Variants in CATSPERB observed in about 807,000 individuals in gnomAD.
The protein encoded by CATSPERB is cation channel sperm-associated auxiliary subunit beta.
A neutral mutation model predicts 128.3 loss-of-function variants in CATSPERB; 93 were observed. That is an observed-to-expected ratio of 0.72 (90% CI 0.61 to 0.86). The LOEUF is 0.86. CATSPERB is among the 40% of genes least tolerant of loss of function. The probability of loss-of-function intolerance (pLI) is 0.00; values close to 1 mark genes in which losing one functional copy is unlikely to be tolerated. For missense variants in CATSPERB, 1,153 were observed against 1,329.5 expected (o/e 0.87, Z 2.06); for synonymous variants, 381 against 448.8 (o/e 0.85, Z 1.91).
chr14:91,580,761 A>G lies in CATSPERB; in HGVS notation c.*128T>C. ...GGAAATGGTGAATATATTGACAAGTAGCAATTTGAATTATAATGACAATTC... is the reference window on the plus strand; with the variant it reads ...GGAAATGGTGAATATATTGACAAGTGGCAATTTGAATTATAATGACAATTC... On this transcript the variant is annotated 3_prime_UTR_variant, in exon 27 of 27. Transcript: ENST00000256343. 1.4e-6 allele frequency: 1 copy of G among 691,948 alleles called. No individual in the cohort carries two copies. 42.9% of individuals were successfully genotyped at this position (691,948 alleles called of 1,614,324 possible).
At chr14:91,682,709 G>A (rs755734571) in intron 11 of CATSPERB, among the ~76,000 whole-genome samples, 2 of 152,164 alleles carry the variant, frequency 1.3e-5, no homozygotes, top group African/African-American at 2.4e-5. Context: ...TGTCAAAAAT[G>A]GGCATCCTGG....
Position 91,587,237 on chromosome 14 carries a change from C to T in CATSPERB, c.3097G>A (p.Gly1033Arg), listed in dbSNP as rs759672513. Residue 1033 changes from glycine to arginine, a missense_variant, in exon 26 of 27, where the codon GGA becomes AGA. Transcript: ENST00000256343. ...LFHFRVTVISGVTFCNLIEEF... is the reference protein window; with the variant it reads ...LFHFRVTVISRVTFCNLIEEF... ...TCAATTAAGTTACAAAAAGTTACTC[C>T]TGAAATGACGGTCACTCTAAAGTGG... is the stretch of plus-strand genomic sequence containing the variant. The T allele has an allele frequency of 1.2e-6, 2 of 1,606,330 alleles. No individual in the cohort carries two copies. Among genetic ancestry groups the T allele is most frequent in the South Asian group, 1.1e-5 (1 of 89,562 alleles).
intron 14 of CATSPERB, among the ~76,000 whole-genome samples, chr14:91,664,000 A>T (rs2139824350): frequency 6.6e-6 from 1 of 152,290 alleles, no homozygotes; most frequent in Admixed American, 6.5e-5. Context: ...AGTCTTATAC[A>T]TCCTATGGAC....
At chr14:91,690,009 T>C (rs1895439447) in intron 10 of CATSPERB, among the ~76,000 whole-genome samples, 1 of 152,226 alleles carries the variant, frequency 6.6e-6, no homozygotes, top group Admixed American at 6.5e-5. Flanking sequence ...AATTTTTATT[T>C]TGAGACAGAG....
intron 6 of CATSPERB, 117 bp from the exon 7 acceptor site, chr14:91,704,818 G>T: frequency 9.8e-7 from 1 of 1,015,572 alleles, no homozygotes; most frequent in East Asian, 2.5e-5. Context: ...GTTCAAAAAA[G>T]GTGCATTACC....
chr14:91,704,441 G>A lies in CATSPERB; in HGVS notation c.616+111C>T, dbSNP rs1895702904. The A allele has an allele frequency of 2.7e-6, 3 of 1,127,332 alleles. No individual in the cohort carries two copies. In the Admixed American group the frequency reaches 7.6e-5, roughly 29 times the overall value. 69.8% of individuals were successfully genotyped at this position (1,127,332 alleles called of 1,614,324 possible). On this transcript the variant is annotated intron_variant, in intron 7 of 26. Transcript: ENST00000256343. ...ATAATAAATTTTTAGGTATTTTTAG[G>A]AAACAATTTTCCTTCCCTATGTCTA...
Position 91,721,083 on chromosome 14 carries a change from TG to T in CATSPERB, c.310-1606del, listed in dbSNP as rs200336205. Among the ~76,000 whole-genome samples the T allele has an allele frequency of 5.2e-3, 784 of 152,212 alleles. 7 individuals carry two copies. The highest frequency in any genetic ancestry group is 0.018 in the African/African-American group (732 of 41,530). ...ATCAAATACAAAAATGAACTCAAAA[TG>T]GATCCAAGATCTAAATGTAGAAGGT... On this transcript the variant is annotated intron_variant, in intron 4 of 26. Coordinates refer to ENST00000256343, the MANE Select transcript of CATSPERB (RefSeq NM_024764.4).
rs773240534 is a variant in CATSPERB at position 91,621,950 on chromosome 14, C to A, written c.1931-13G>T. The A allele has an allele frequency of 2.6e-6, 4 of 1,536,430 alleles. No homozygotes were observed. The Admixed American group carries it at 6.0e-5, about 23-fold the overall frequency. ...AAGGCCTGAACAACTGGAGATTAAA[C>A]AGAAGAGACTTGGTATTAAATCAAA... is the stretch of plus-strand genomic sequence containing the variant. On this transcript the variant is annotated splice_polypyrimidine_tract_variant and intron_variant, in intron 18 of 26. Coordinates refer to ENST00000256343, the MANE Select transcript of CATSPERB (RefSeq NM_024764.4).
chr14:91,601,034 A>T (rs1893600311), intron 22 of CATSPERB, among the ~76,000 whole-genome samples: 1 of 152,268 alleles, frequency 6.6e-6, no homozygotes, highest in African/African-American at 2.4e-5. Flanking sequence ...TTGAGAGAAT[A>T]CAACACCTAT....
intron 11 of CATSPERB, among the ~76,000 whole-genome samples, chr14:91,682,680 C>G (rs1895303141): frequency 6.6e-6 from 1 of 152,156 alleles, no homozygotes; most frequent in Admixed American, 6.6e-5. Context: ...ACTGGGAAAG[C>G]ACAAACGCCA....
At chr14:91,622,322 T>C (rs1384561547) in intron 18 of CATSPERB, among the ~76,000 whole-genome samples, 1 of 152,170 alleles carries the variant, frequency 6.6e-6, no homozygotes, top group Non-Finnish European at 1.5e-5. Flanking sequence ...AAGATGTGCT[T>C]ATTACACAGA....
chr14:91,615,370 C>CCCATAGTTTT (rs1374066364), intron 20 of CATSPERB, among the ~76,000 whole-genome samples: 3 of 152,276 alleles, frequency 2.0e-5, no homozygotes, highest in African/African-American at 7.2e-5. Flanking sequence ...GCCCCCGCAT[C>CCCATAGTTTT]CCATTCCATG....
At chr14:91,661,116 T>C (rs1912425) in intron 14 of CATSPERB, among the ~76,000 whole-genome samples, 44,449 of 151,994 alleles carry the variant, frequency 0.29, 7,353 homozygotes, top group Admixed American at 0.48. Flanking sequence ...TGGACCTCAA[T>C]TTTCACTCTT....
chr14:91,708,883 G>T (rs1009449406), intron 5 of CATSPERB, among the ~76,000 whole-genome samples: 1 of 152,194 alleles, frequency 6.6e-6, no homozygotes, highest in African/African-American at 2.4e-5. Flanking sequence ...AAATGCAAAA[G>T]CATAAATAAG....
chr14:91,660,114 T>TCACACA (rs34606282), intron 14 of CATSPERB, 133 bp from the exon 15 acceptor site: 68 of 352,694 alleles, frequency 1.9e-4, no homozygotes, highest in African/African-American at 7.2e-4. Context: ...TCTCTCTCTC[T>TCACACA]CTCACACACA....
chr14:91,660,507 T>A (rs1333478605), intron 14 of CATSPERB, among the ~76,000 whole-genome samples: 1 of 152,204 alleles, frequency 6.6e-6, no homozygotes, highest in Non-Finnish European at 1.5e-5. Flanking sequence ...TATATTAGTT[T>A]ATTACTATAG....
intron 13 of CATSPERB, among the ~76,000 whole-genome samples, chr14:91,671,244 C>A (rs1390179877): frequency 6.6e-6 from 1 of 151,986 alleles, no homozygotes; most frequent in South Asian, 2.1e-4. Context: ...AAGGAAAGAC[C>A]ACTCATACCT....
Position 91,678,086 on chromosome 14 carries a change from G to A in CATSPERB, c.932-3864C>T, listed in dbSNP as rs550090860. 1.7e-3 allele frequency among the ~76,000 whole-genome samples: 255 copies of A among 152,234 alleles called. 1 individual carries two copies. The highest frequency in any genetic ancestry group is 6.8e-3 in the Middle Eastern group (2 of 294). On this transcript the variant is annotated intron_variant, in intron 11 of 26. Transcript: ENST00000256343. ...ACACCAGGGCCAGTTGGCAGGTGGG[G>A]GGCAAGGGGGGAGAGAGCATTAGGA...
intron 7 of CATSPERB, among the ~76,000 whole-genome samples, chr14:91,694,236 G>T (rs1188773091): frequency 6.6e-6 from 1 of 152,040 alleles, no homozygotes; most frequent in Non-Finnish European, 1.5e-5. Flanking sequence ...CTTGAGCCCA[G>T]GAGTTTGAGA....
Sources: allele counts gnomAD v4.1 joint callset (sites outside exome capture counted in the v4.1 genomes callset), GRCh38; gene constraint gnomAD v4.1.1; transcripts MANE v1.5; gene names NCBI Gene and HGNC (gene_info 2026-07-23, HGNC 2026-07-21).